Variants in MYOM2 observed in about 807,000 individuals in gnomAD.
MYOM2 encodes the protein myomesin 2.
Under a neutral mutation model 187.6 loss-of-function variants are expected in MYOM2, and 254 were observed. That is an observed-to-expected ratio of 1.35 (90% confidence interval 1.22 to 1.50). The LOEUF is 1.50. Among genes scored for constraint, MYOM2 ranks in the 40% most tolerant of loss-of-function variants. MYOM2 has a pLI of 0.00. For synonymous variants in MYOM2, 981 were observed against 753.8 expected, an observed-to-expected ratio of 1.30 and a Z score of -4.94; for missense variants, 2,796 against 1,924.0, an observed-to-expected ratio of 1.45 and a Z score of -8.48.
At chr8:2,071,362 A>C (rs1819210776) in intron 8 of MYOM2, among the ~76,000 whole-genome samples, 1 of 152,066 alleles carries the variant, frequency 6.6e-6, no homozygotes, top group Non-Finnish European at 1.5e-5. Flanking sequence ...TTTGGTTTTA[A>C]AAATTCAGTA....
Position 2,102,799 on chromosome 8 carries a change from A to G in MYOM2, c.2734+18A>G. On this transcript the variant is annotated intron_variant, in intron 21 of 36. Transcript: ENST00000262113. Reference sequence around the variant, plus strand: ...GAGACCAGGTAAGGCTTACAACAAAAACTACAAAACAGCAATGATTTGTGG... The same window carrying G: ...GAGACCAGGTAAGGCTTACAACAAAGACTACAAAACAGCAATGATTTGTGG... 6.3e-7 allele frequency: 1 copy of G among 1,580,634 alleles called. No homozygotes were observed. Among genetic ancestry groups the G allele is most frequent in the Non-Finnish European group, 8.7e-7 (1 of 1,150,784 alleles).
At chr8:2,135,572 C>T (rs1255259641) in intron 32 of MYOM2, among the ~76,000 whole-genome samples, 1 of 152,162 alleles carries the variant, frequency 6.6e-6, no homozygotes, top group Non-Finnish European at 1.5e-5. Flanking sequence ...GACCATCCTG[C>T]TGGTTGCTTT....
intron 6 of MYOM2, among the ~76,000 whole-genome samples, chr8:2,063,870 C>G (rs193209737): frequency 1.3e-4 from 20 of 152,316 alleles, no homozygotes; most frequent in Admixed American, 7.2e-4. Context: ...AAATTGAGAC[C>G]AGAGAAGACT....
intron 14 of MYOM2, 76 bp downstream of exon 14, chr8:2,085,466 C>CTGTTGTGATCTCTGTGTGGCCCCT: frequency 6.6e-7 from 1 of 1,507,978 alleles, no homozygotes; most frequent in Admixed American, 1.9e-5. Flanking sequence ...GCGTGGCCCA[C>CTGTTGTGATCTCTGTGTGGCCCCT]CGCTGTCGTG....
chr8:2,088,129 G>T (rs62478382), intron 14 of MYOM2, among the ~76,000 whole-genome samples: 2 of 151,774 alleles, frequency 1.3e-5, no homozygotes, highest in Non-Finnish European at 2.9e-5. Context: ...GCGGTGATTT[G>T]AGAGATTTTG....
At chr8:2,104,731 G>A (rs944758791) in intron 21 of MYOM2, among the ~76,000 whole-genome samples, 13 of 152,062 alleles carry the variant, frequency 8.5e-5, no homozygotes, top group Non-Finnish European at 1.6e-4. Context: ...AGGGCCTCCC[G>A]CTGCCCCACA....
chr8:2,122,965 C>G (rs980813966), intron 28 of MYOM2, among the ~76,000 whole-genome samples: 47 of 87,752 alleles, frequency 5.4e-4, no homozygotes, highest in African/African-American at 2.0e-3. Flanking sequence ...TCATATAGAC[C>G]AAAAGATCTT....
intron 1 of MYOM2, among the ~76,000 whole-genome samples, chr8:2,048,914 C>T (rs6988574): frequency 3.3e-5 from 5 of 151,790 alleles, no homozygotes. Context: ...CTCAGCCTCC[C>T]GAGTAGCTGG....
chr8:2,080,133 A>G (rs1819570403), intron 13 of MYOM2, among the ~76,000 whole-genome samples: 1 of 152,238 alleles, frequency 6.6e-6, no homozygotes, highest in Non-Finnish European at 1.5e-5. Context: ...TTTAGAAAGA[A>G]TGACGTGTTA....
At chr8:2,100,133 C>CTTCCTTCCTTCCTTCCTTCT (rs1796651058) in intron 19 of MYOM2, among the ~76,000 whole-genome samples, 1 of 89,326 alleles carries the variant, frequency 1.1e-5, no homozygotes, top group African/African-American at 5.0e-5. Context: ...TCCTTCTTTC[C>CTTCCTTCCTTCCTTCCTTCT]TTCCTTCCTT....
chr8:2,045,856 T>A (rs539359198), intron 1 of MYOM2, among the ~76,000 whole-genome samples: 1 of 152,364 alleles, frequency 6.6e-6, no homozygotes, highest in Admixed American at 6.5e-5. Flanking sequence ...GCTGGGTGGT[T>A]GCACGTGGAA....
At chr8:2,096,788 G>A (rs182864619) in intron 18 of MYOM2, among the ~76,000 whole-genome samples, 1 of 152,228 alleles carries the variant, frequency 6.6e-6, no homozygotes, top group African/African-American at 2.4e-5. Context: ...TGAGGGGAGG[G>A]TCACGCTGAA....
chr8:2,107,706 C>T (rs1796941139), intron 23 of MYOM2, among the ~76,000 whole-genome samples: 1 of 152,170 alleles, frequency 6.6e-6, no homozygotes. Context: ...TCACCACTCA[C>T]AGGCAGGGTG....
At position 2,076,264 on chromosome 8, in the gene MYOM2, T is replaced by A; in HGVS notation, c.1244T>A (p.Met415Lys). The A allele has an allele frequency of 6.2e-7, 1 of 1,613,732 alleles. No homozygotes were observed. The highest frequency in any genetic ancestry group is 8.5e-7 in the Non-Finnish European group (1 of 1,179,938). Residue 415 changes from methionine (M) to lysine (K), a missense_variant, in exon 11 of 37, where the codon ATG (methionine) becomes AAG (lysine). Coordinates refer to ENST00000262113, the MANE Select transcript of MYOM2 (RefSeq NM_003970.4). ...AACACCACCACTGAGAGCCCCGTCA[T>A]GGGCTATTTTGTGGACCGGTGAGCG... ...PPNTTTESPV[M>K]GYFVDRCEVG...
At position 2,145,004 on chromosome 8, in the gene MYOM2, T is replaced by C. The variant is rs1798414439; in HGVS notation, c.*23T>C. 6.2e-7 allele frequency: 1 copy of C among 1,608,970 alleles called. No homozygotes were observed. The highest frequency in any genetic ancestry group is 1.1e-5 in the South Asian group (1 of 90,702). ...TGAAGGCGTTTTCCTAGCCTGGAGA[T>C]GGGAAAATATGCTTGGCAGAGACAG... On this transcript the variant is annotated 3_prime_UTR_variant, in exon 37 of 37. Transcript: ENST00000262113.
chr8:2,125,457 T>C (rs896742531), intron 31 of MYOM2, among the ~76,000 whole-genome samples: 2 of 152,198 alleles, frequency 1.3e-5, no homozygotes, highest in African/African-American at 4.8e-5. Flanking sequence ...CTGTCTGTTC[T>C]AATGTCAGTG....
chr8:2,086,289 G>C (rs1175176333), intron 14 of MYOM2, among the ~76,000 whole-genome samples: 1 of 21,404 alleles, frequency 4.7e-5, no homozygotes, highest in Non-Finnish European at 1.0e-4. Flanking sequence ...CCCCACTGTC[G>C]TGATCTCCGC....
intron 18 of MYOM2, among the ~76,000 whole-genome samples, chr8:2,097,703 G>C (rs1796542152): frequency 6.6e-6 from 1 of 152,144 alleles, no homozygotes. Flanking sequence ...TTTCAGTAGA[G>C]ACAGGGTTTC....
At chr8:2,045,713 AC>A in intron 1 of MYOM2, among the ~76,000 whole-genome samples, 1 of 152,350 alleles carries the variant, frequency 6.6e-6, no homozygotes, top group African/African-American at 2.4e-5. Flanking sequence ...CAGCGTTCTT[AC>A]GGCTGTTTTC....
Sources: gnomAD v4.1 joint callset for allele counts (sites outside exome capture counted in the v4.1 genomes callset) on GRCh38, gnomAD v4.1.1 for gene constraint, MANE v1.5 for transcripts, NCBI Gene and HGNC (gene_info 2026-07-23, HGNC 2026-07-21) for gene names.